GALNT17: variants seen among roughly 807,000 people sequenced by gnomAD.
GALNT17 encodes the protein UDP-GalNAc:polypeptide N-acetylgalactosaminyltransferase-like 3.
Under a neutral mutation model 63.7 loss-of-function variants are expected in GALNT17, and 29 were observed. The ratio of observed to expected loss-of-function variants is 0.46; its 90% CI spans 0.34 to 0.62. The LOEUF (loss-of-function observed/expected upper bound fraction) is 0.62. Ranked by LOEUF, GALNT17 falls within the 20% of genes least tolerant of loss-of-function variation. The probability of loss-of-function intolerance (pLI) is 0.01; values close to 1 mark genes in which losing one functional copy is unlikely to be tolerated. For missense variants in GALNT17, 603 were observed against 799.6 expected, an observed-to-expected ratio of 0.75 and a Z score of 2.97; for synonymous variants, 305 against 318.3, an observed-to-expected ratio of 0.96 and a Z score of 0.45.
At chr7:71,540,958 G>C (rs973923423) in intron 5 of GALNT17, among the ~76,000 whole-genome samples, 12 of 152,044 alleles carry the variant, frequency 7.9e-5, no homozygotes, top group African/African-American at 2.9e-4. Context: ...ACGATGGCCA[G>C]CCGGGCGCGG....
At position 71,174,294 on chromosome 7, in the gene GALNT17, G is replaced by T. The variant is rs548374576; in HGVS notation, c.238+41254G>T. ...ATAGGTTAGCGGAGAAAGAAGCCGG[G>T]GGGAGTTCCTCTAAGCAGAGGCCAT... On this transcript the variant is annotated intron_variant, in intron 1 of 10. Transcript: ENST00000333538. 5.3e-5 allele frequency among the ~76,000 whole-genome samples: 8 copies of T among 152,276 alleles called. No individual in the cohort carries two copies. In the East Asian group the frequency reaches 5.8e-4, roughly 11 times the overall value.
At chr7:71,586,155 C>T (rs1182419862) in intron 6 of GALNT17, among the ~76,000 whole-genome samples, 1 of 152,186 alleles carries the variant, frequency 6.6e-6, no homozygotes, top group Non-Finnish European at 1.5e-5. Flanking sequence ...GATCCACCCT[C>T]CTCAGCCTCC....
intron 1 of GALNT17, among the ~76,000 whole-genome samples, chr7:71,189,484 A>AGCT (rs1788911346): frequency 6.6e-6 from 1 of 152,174 alleles, no homozygotes. Flanking sequence ...AGGGATTGAT[A>AGCT]AGACCTGGTG....
intron 5 of GALNT17, among the ~76,000 whole-genome samples, chr7:71,471,423 AC>A (rs369093561): frequency 6.7e-4 from 83 of 124,308 alleles, no homozygotes; most frequent in African/African-American, 1.9e-3. Context: ...AACAAAAAAA[AC>A]CAAAAACCAT....
chr7:71,243,066 G>A (rs1426776355), intron 1 of GALNT17, among the ~76,000 whole-genome samples: 1 of 152,176 alleles, frequency 6.6e-6, no homozygotes, highest in East Asian at 1.9e-4. Flanking sequence ...TTGAGGGAGG[G>A]TCCAGGTGGG....
intron 1 of GALNT17, among the ~76,000 whole-genome samples, chr7:71,289,838 C>G (rs546159476): frequency 6.6e-6 from 1 of 151,288 alleles, no homozygotes; most frequent in East Asian, 1.9e-4. Flanking sequence ...AAGATCGTGC[C>G]GTTGCATTCC....
chr7:71,256,319 C>G (rs947809231), intron 1 of GALNT17, among the ~76,000 whole-genome samples: 9 of 152,234 alleles, frequency 5.9e-5, no homozygotes, highest in Non-Finnish European at 1.0e-4. Flanking sequence ...CACCTGTCAT[C>G]CCAGCACTTT....
In GALNT17 at chr7:71,433,841, T is replaced by C. The variant is rs559038611; in HGVS notation, c.962+12736T>C. ...TTGTTTCTGCATGTATTTATGAGGGTATTGTCAAAGGAGATTAACATTTGA... is the reference window on the plus strand; with the variant it reads ...TTGTTTCTGCATGTATTTATGAGGGCATTGTCAAAGGAGATTAACATTTGA... On this transcript the variant is annotated intron_variant, in intron 5 of 10. Transcript: ENST00000333538. Among the ~76,000 whole-genome samples the C allele has an allele frequency of 3.3e-5, 5 of 152,196 alleles. 2 individuals are homozygous for C. The highest frequency in any genetic ancestry group is 4.1e-4 in the South Asian group (2 of 4,828).
intron 1 of GALNT17, among the ~76,000 whole-genome samples, chr7:71,321,099 G>A (rs944712258): frequency 6.6e-6 from 1 of 152,150 alleles, no homozygotes; most frequent in African/African-American, 2.4e-5. Flanking sequence ...ATGTGACCTG[G>A]TGTACAGTGT....
At chr7:71,338,752 G>A (rs1332906622) in intron 2 of GALNT17, among the ~76,000 whole-genome samples, 6 of 152,140 alleles carry the variant, frequency 3.9e-5, no homozygotes, top group Non-Finnish European at 5.9e-5. Flanking sequence ...TATTTAGAGT[G>A]TGTCCTTGCT....
At chr7:71,606,876 C>T (rs770495699) in intron 6 of GALNT17, among the ~76,000 whole-genome samples, 36 of 152,112 alleles carry the variant, frequency 2.4e-4, no homozygotes, top group East Asian at 7.7e-4. Flanking sequence ...AAGCCATATG[C>T]GGTATGAATG....
intron 9 of GALNT17, among the ~76,000 whole-genome samples, chr7:71,694,956 A>G (rs1791517889): frequency 6.6e-6 from 1 of 152,238 alleles, no homozygotes; most frequent in Admixed American, 6.5e-5. Context: ...CTGAACCAGG[A>G]TACAGCCCTC....
At position 71,423,954 on chromosome 7, in the gene GALNT17, A is replaced by G. The variant is rs2906275; in HGVS notation, c.962+2849A>G. ...AATAAAAAAAGAGTAAGCTTTTGAAAAGTTCGTTATTTTTCTGCTGACACC... is the reference window on the plus strand; with the variant it reads ...AATAAAAAAAGAGTAAGCTTTTGAAGAGTTCGTTATTTTTCTGCTGACACC... On this transcript the variant is annotated intron_variant, in intron 5 of 10. Coordinates refer to ENST00000333538, the MANE Select transcript of GALNT17 (RefSeq NM_022479.3). Among the ~76,000 whole-genome samples the G allele has an allele frequency of 8.4e-3, 1,284 of 152,228 alleles. 15 individuals are homozygous for G. The highest frequency in any genetic ancestry group is 0.03 in the African/African-American group (1,233 of 41,542).
At chr7:71,657,048 A>T (rs899144193) in intron 6 of GALNT17, among the ~76,000 whole-genome samples, 1 of 152,114 alleles carries the variant, frequency 6.6e-6, no homozygotes, top group African/African-American at 2.4e-5. Context: ...ATCCAAACCT[A>T]CTTATGCCCG....
At position 71,430,430 on chromosome 7, in the gene GALNT17, C is replaced by T. The variant is rs116320969; in HGVS notation, c.962+9325C>T. Among the ~76,000 whole-genome samples the T allele has an allele frequency of 9.6e-3, 1,454 of 152,240 alleles. 25 individuals are homozygous for T. Among genetic ancestry groups the T allele is most frequent in the African/African-American group, 0.034 (1,400 of 41,530 alleles). ...CAGCTGCAAAAGCCTGAGACTTTCA[C>T]CATGAGAGGGAAGGTTCCAAAATGC... On this transcript the variant is annotated intron_variant, in intron 5 of 10. Coordinates refer to ENST00000333538, the MANE Select transcript of GALNT17 (RefSeq NM_022479.3).
intron 3 of GALNT17, among the ~76,000 whole-genome samples, chr7:71,407,478 T>C (rs1793349500): frequency 6.6e-6 from 1 of 152,204 alleles, no homozygotes; most frequent in Non-Finnish European, 1.5e-5. Context: ...CCAGGCATGG[T>C]GGCTCATTCG....
At chr7:71,329,443 G>A (rs548235897) in intron 1 of GALNT17, among the ~76,000 whole-genome samples, 24 of 152,216 alleles carry the variant, frequency 1.6e-4, no homozygotes, top group Non-Finnish European at 2.9e-4. Flanking sequence ...TGCCCATCTC[G>A]CAGCTTTACA....
Position 71,223,229 on chromosome 7 carries a change from A to C in GALNT17, c.238+90189A>C, listed in dbSNP as rs531577367. Among the ~76,000 whole-genome samples the C allele has an allele frequency of 2.6e-5, 4 of 152,258 alleles. No homozygotes were observed. The South Asian group carries it at 8.3e-4, about 32-fold the overall frequency. On this transcript the variant is annotated intron_variant, in intron 1 of 10. Transcript: ENST00000333538. The stretch of plus-strand genomic sequence containing the variant: ...CTTTTGCCAACTATTTTTAGCATTC[A>C]CTGATGGACGTTGCTGGCAGTCTAA...
intron 5 of GALNT17, among the ~76,000 whole-genome samples, chr7:71,527,966 C>T (rs748993362): frequency 6.6e-6 from 1 of 152,132 alleles, no homozygotes; most frequent in Non-Finnish European, 1.5e-5. Flanking sequence ...ACCAAAATTC[C>T]CTCCAGTTTT....
Sources: allele counts gnomAD v4.1 joint callset (sites outside exome capture counted in the v4.1 genomes callset), GRCh38; gene constraint gnomAD v4.1.1; transcripts MANE v1.5; gene names NCBI Gene and HGNC (gene_info 2026-07-23, HGNC 2026-07-21).